The following ACACB variants were observed in gnomAD, a reference collection of about 807,000 sequenced individuals.
The protein encoded by ACACB is acetyl-CoA carboxylase beta, also known as acetyl-CoA carboxylase 2.
A neutral mutation model predicts 278.8 loss-of-function variants in ACACB; 209 were observed. The observed-to-expected ratio is 0.75, with a 90% CI of 0.67 to 0.84. ACACB has a LOEUF of 0.84. ACACB is among the 40% of genes least tolerant of loss of function. ACACB has a pLI of 0.00. For synonymous variants in ACACB, 1,174 were observed against 1,285.6 expected (o/e 0.91, Z 1.86); for missense variants, 2,850 against 3,269.0 (o/e 0.87, Z 3.13).
intron 45 of ACACB, among the ~76,000 whole-genome samples, chr12:109,256,849 A>G (rs1274791511): frequency 6.6e-6 from 1 of 152,232 alleles, no homozygotes. Flanking sequence ...TCTGTAAAAT[A>G]GGGATAATAA....
chr12:109,222,960 C>A, intron 26 of ACACB, 48 bp downstream of exon 26: 1 of 1,468,922 alleles, frequency 6.8e-7, no homozygotes, highest in East Asian at 2.4e-5. Flanking sequence ...CACACTGTGG[C>A]CCAGGTGGGG....
intron 10 of ACACB, among the ~76,000 whole-genome samples, 162 bp from the exon 11 acceptor site, chr12:109,179,755 C>T (rs952348651): frequency 5.3e-5 from 8 of 152,134 alleles, no homozygotes; most frequent in South Asian, 2.1e-4. Context: ...CCTCCTTAAG[C>T]GCTAGGGTGA....
At chr12:109,213,428 G>A (rs1030477266) in intron 22 of ACACB, among the ~76,000 whole-genome samples, 2 of 152,192 alleles carry the variant, frequency 1.3e-5, no homozygotes, top group Non-Finnish European at 2.9e-5. Flanking sequence ...ACATTAGATT[G>A]AGACAATGGG....
intron 19 of ACACB, among the ~76,000 whole-genome samples, chr12:109,202,960 C>T (rs556696600): frequency 1.2e-3 from 182 of 152,278 alleles, no homozygotes; most frequent in Non-Finnish European, 2.0e-3. Context: ...CACCATCATC[C>T]ATCTCCAGCA....
At chr12:109,159,536 T>G (rs983635784) in intron 2 of ACACB, among the ~76,000 whole-genome samples, 1 of 152,172 alleles carries the variant, frequency 6.6e-6, no homozygotes, top group Non-Finnish European at 1.5e-5. Context: ...GAAGTAACTT[T>G]CCCAGGATTA....
chr12:109,129,757 G>C (rs780554517), intron 1 of ACACB, among the ~76,000 whole-genome samples: 2 of 152,248 alleles, frequency 1.3e-5, no homozygotes, highest in African/African-American at 2.4e-5. Context: ...TGTCCTTGAT[G>C]GGGGGATCTG....
chr12:109,188,213 CCT>C, intron 13 of ACACB, 51 bp downstream of exon 13: 1 of 1,415,276 alleles, frequency 7.1e-7, no homozygotes, highest in Non-Finnish European at 9.7e-7. Context: ...TTCCTTCCTT[CCT>C]TCCTTCCTTC....
intron 1 of ACACB, among the ~76,000 whole-genome samples, chr12:109,131,938 C>T (rs1386680654): frequency 1.3e-5 from 2 of 152,084 alleles, no homozygotes; most frequent in African/African-American, 2.4e-5. Context: ...GTTTGCATGT[C>T]GATCTGCGGC....
At chr12:109,137,363 A>G (rs983555290) in intron 1 of ACACB, among the ~76,000 whole-genome samples, 1 of 152,210 alleles carries the variant, frequency 6.6e-6, no homozygotes. Flanking sequence ...GAAATTTAAA[A>G]AGAAAAAGCT....
Position 109,258,370 on chromosome 12 carries a change from G to A in ACACB, c.6360+6G>A. 4.4e-6 allele frequency: 7 copies of A among 1,608,786 alleles called. No homozygotes were observed. The highest frequency in any genetic ancestry group is 1.1e-5 in the South Asian group (1 of 90,036). ...ACCTGGATTCTGAGGCCAAGGTGAG[G>A]GGGCCGGGAGCTGTGGCTGCTGGTT... is the stretch of plus-strand genomic sequence containing the variant. On this transcript the variant is annotated splice_donor_region_variant and intron_variant, in intron 46 of 52. Transcript: ENST00000338432.
Position 109,140,233 on chromosome 12 carries a change from TC to T in ACACB, c.653+177del, listed in dbSNP as rs1387567858. 1.5e-3 allele frequency among the ~76,000 whole-genome samples: 196 copies of T among 127,962 alleles called. 2 individuals are homozygous for T. Among genetic ancestry groups the T allele is most frequent in the East Asian group, 5.1e-3 (25 of 4,940 alleles). 83.9% of individuals were successfully genotyped at this position (127,962 alleles called of 152,430 possible). ...TCAGAAGTTTCCTTCCTTCCTTCCT[TC>T]CTTCCTTCCTTCCTTCCTTCCATCC... On this transcript the variant is annotated intron_variant, in intron 2 of 52. Transcript: ENST00000338432.
chr12:109,252,300 G>A (rs994141219), intron 42 of ACACB, 144 bp downstream of exon 42: 2 of 553,768 alleles, frequency 3.6e-6, no homozygotes, highest in Admixed American at 3.8e-5. Context: ...TTTCCAATTT[G>A]CAGCTATCTG....
In ACACB at chr12:109,139,970, C is replaced by T. The variant is rs997993423; in HGVS notation, c.565C>T (p.Arg189Trp). The change falls in exon 2 of 53, where the codon CGG becomes TGG. Residue 189 changes from arginine (R) to tryptophan (W), a missense_variant. Around this residue, in one of 3 missense-constraint regions of ACACB, gnomAD observed 2,265 missense variants for 2,561.3 expected, o/e 0.88. Coordinates refer to ENST00000338432, the MANE Select transcript of ACACB (RefSeq NM_001093.4). ...TGCTGGCTCATCTCGTGAGTCTACCCGGAAGGGCAGCCGGGCCAGCTTGGG... is the reference window on the plus strand; with the variant it reads ...TGCTGGCTCATCTCGTGAGTCTACCTGGAAGGGCAGCCGGGCCAGCTTGGG... ...SVAGSSRESTRKGSRASLGAL... is the reference protein window; with the variant it reads ...SVAGSSRESTWKGSRASLGAL... 12 of 1,613,816 alleles carry T rather than the reference C, an allele frequency of 7.4e-6. No homozygotes were observed. Among genetic ancestry groups the T allele is most frequent in the East Asian group, 2.2e-5 (1 of 44,880 alleles).
chr12:109,115,150 G>T (rs2042378712), upstream of ACACB, among the ~76,000 whole-genome samples: 1 of 152,170 alleles, frequency 6.6e-6, no homozygotes, highest in African/African-American at 2.4e-5. Context: ...CTTGTCATGA[G>T]CAAGCCCCTG....
intron 24 of ACACB, 27 bp downstream of exon 24, chr12:109,216,947 G>C (rs2046020141): frequency 1.9e-6 from 3 of 1,609,800 alleles, no homozygotes; most frequent in Non-Finnish European, 2.5e-6. Flanking sequence ...CCTGTTACTA[G>C]ACTGGGGGTG....
At chr12:109,182,001 G>A (rs1218162626) in intron 11 of ACACB, among the ~76,000 whole-genome samples, 1 of 151,770 alleles carries the variant, frequency 6.6e-6, no homozygotes, top group Non-Finnish European at 1.5e-5. Context: ...GTGCCACGAC[G>A]CCCAGCTAAT....
chr12:109,166,826 C>G, intron 2 of ACACB, 35 bp from the exon 3 acceptor site: 1 of 1,613,798 alleles, frequency 6.2e-7, no homozygotes, highest in Non-Finnish European at 8.5e-7. Flanking sequence ...GGCTTCTTCC[C>G]TCATGCACGT....
In ACACB at chr12:109,201,710, C is replaced by G; in HGVS notation, c.2913+9C>G. ...CTTCTAAAGTCCACCCGGTATGTGG[C>G]TCCACGGCCCAAGTGCTCTGGCTGG... On this transcript the variant is annotated intron_variant, in intron 19 of 52. Transcript: ENST00000338432. 1 of 1,613,358 alleles carries G rather than the reference C, an allele frequency of 6.2e-7. No individual in the cohort carries two copies. The highest frequency in any genetic ancestry group is 8.5e-7 in the Non-Finnish European group (1 of 1,179,742).
Position 109,201,714 on chromosome 12 carries a change from A to T in ACACB, c.2913+13A>T. The T allele has an allele frequency of 6.2e-7, 1 of 1,613,198 alleles. No homozygotes were observed. ...TAAAGTCCACCCGGTATGTGGCTCCACGGCCCAAGTGCTCTGGCTGGTGCA... is the reference window on the plus strand; with the variant it reads ...TAAAGTCCACCCGGTATGTGGCTCCTCGGCCCAAGTGCTCTGGCTGGTGCA... On this transcript the variant is annotated intron_variant, in intron 19 of 52. Transcript: ENST00000338432.
Sources: allele counts gnomAD v4.1 joint callset (sites outside exome capture counted in the v4.1 genomes callset), GRCh38; gene constraint gnomAD v4.1.1; regional missense constraint gnomAD v4.1.1; transcripts MANE v1.5; gene names NCBI Gene and HGNC (gene_info 2026-07-23, HGNC 2026-07-21).